NALF1: variants seen among roughly 807,000 people sequenced by gnomAD.
NALF1 encodes the protein family with sequence similarity 155 member A.
A neutral mutation model predicts 48.4 loss-of-function variants in NALF1; 3 were observed. The observed-to-expected ratio is 0.06, with a 90% CI of 0.03 to 0.16. NALF1 has a LOEUF of 0.16. NALF1 is among the 10% of genes least tolerant of loss of function. The probability of loss-of-function intolerance (pLI) is 1.00; values close to 1 mark genes in which losing one functional copy is unlikely to be tolerated. For missense variants in NALF1, 526 were observed against 571.5 expected (o/e 0.92, Z 0.81); for synonymous variants, 262 against 245.7 (o/e 1.07, Z -0.62).
intron 1 of NALF1, among the ~76,000 whole-genome samples, chr13:107,556,622 G>A (rs1177448686): frequency 6.6e-6 from 1 of 151,916 alleles, no homozygotes; most frequent in Non-Finnish European, 1.5e-5. Context: ...CTCCCAAGTA[G>A]CTCGGATTAC....
intron 1 of NALF1, among the ~76,000 whole-genome samples, chr13:107,864,958 T>G (rs1163466026): frequency 6.6e-6 from 1 of 152,230 alleles, no homozygotes; most frequent in Non-Finnish European, 1.5e-5. Context: ...GAAAGCATAC[T>G]GAAAATCAAG....
intron 1 of NALF1, among the ~76,000 whole-genome samples, chr13:107,672,323 C>T (rs910179537): frequency 6.6e-6 from 1 of 152,146 alleles, no homozygotes; most frequent in African/African-American, 2.4e-5. Flanking sequence ...TTCGTCAAGG[C>T]GTTTACCTTT....
intron 1 of NALF1, among the ~76,000 whole-genome samples, chr13:107,603,207 G>T (rs995067009): frequency 6.6e-6 from 1 of 151,964 alleles, no homozygotes; most frequent in African/African-American, 2.4e-5. Flanking sequence ...AAATGTTATT[G>T]CAAAAAAAAT....
intron 1 of NALF1, among the ~76,000 whole-genome samples, chr13:107,850,168 G>C (rs1294104345): frequency 6.6e-6 from 1 of 152,148 alleles, no homozygotes; most frequent in Non-Finnish European, 1.5e-5. Context: ...GAAATAAATT[G>C]GCCCGGCATT....
intron 1 of NALF1, among the ~76,000 whole-genome samples, chr13:107,743,677 A>T (rs1007213307): frequency 6.6e-6 from 1 of 152,222 alleles, no homozygotes; most frequent in Admixed American, 6.5e-5. Flanking sequence ...TAACAGGAGG[A>T]TATTCCTCAC....
chr13:107,316,359 A>AGTGC (rs201779802), intron 1 of NALF1, among the ~76,000 whole-genome samples: 1 of 151,356 alleles, frequency 6.6e-6, no homozygotes, highest in Non-Finnish European at 1.5e-5. Context: ...AATAAACATA[A>AGTGC]GTGTGCATGT....
chr13:107,343,780 A>G (rs1181443751), intron 1 of NALF1, among the ~76,000 whole-genome samples: 1 of 152,202 alleles, frequency 6.6e-6, no homozygotes, highest in Non-Finnish European at 1.5e-5. Flanking sequence ...TCTCAAATGA[A>G]TAAGATTTAT....
Position 107,367,404 on chromosome 13 carries a change from G to A in NALF1, c.916-156649C>T, listed in dbSNP as rs377271707. Among the ~76,000 whole-genome samples, 8 of 152,284 alleles carry A rather than the reference G, an allele frequency of 5.3e-5. No individual in the cohort carries two copies. In the East Asian group the frequency reaches 9.7e-4, roughly 18 times the overall value. On this transcript the variant is annotated intron_variant, in intron 1 of 2. Transcript: ENST00000375915. The stretch of plus-strand genomic sequence containing the variant: ...ACCTGAATGTGGTCATTCTCCTGAT[G>A]TCTTGTTTCCGGCTGAAGAGCTGGA...
chr13:107,200,296 G>A (rs1431621902), intron 2 of NALF1, among the ~76,000 whole-genome samples: 4 of 152,194 alleles, frequency 2.6e-5, no homozygotes, highest in African/African-American at 7.2e-5. Flanking sequence ...ATCCCAGGCA[G>A]TGGGGCTTCA....
At chr13:107,470,591 G>A (rs77221047) in intron 1 of NALF1, among the ~76,000 whole-genome samples, 1,809 of 152,194 alleles carry the variant, frequency 0.012, 20 homozygotes, top group South Asian at 0.035. Context: ...ATACATACAT[G>A]TACAAAAATG....
chr13:107,491,366 G>T, intron 1 of NALF1, among the ~76,000 whole-genome samples: 1 of 152,210 alleles, frequency 6.6e-6, no homozygotes, highest in East Asian at 1.9e-4. Context: ...AAAAGTGAAT[G>T]ATATCTGTGG....
At chr13:107,823,352 A>G (rs1327749900) in intron 1 of NALF1, among the ~76,000 whole-genome samples, 1 of 152,168 alleles carries the variant, frequency 6.6e-6, no homozygotes, top group Non-Finnish European at 1.5e-5. Context: ...GGTAAGTCCA[A>G]TAATCCCCCA....
intron 1 of NALF1, among the ~76,000 whole-genome samples, chr13:107,291,579 GA>G (rs890055155): frequency 1.3e-5 from 2 of 150,918 alleles, no homozygotes; most frequent in African/African-American, 4.9e-5. Flanking sequence ...TTGAAAATCT[GA>G]AAAAAAAGGT....
chr13:107,788,865 A>G (rs901247925), intron 1 of NALF1: 8 of 151,042 alleles, frequency 5.3e-5, no homozygotes, highest in African/African-American at 1.5e-4. Context: ...GCGTTTGTGG[A>G]AAAAAAAAAT....
intron 1 of NALF1, among the ~76,000 whole-genome samples, chr13:107,650,165 T>C (rs4771574): frequency 0.96 from 146,777 of 152,122 alleles, 70,954 homozygotes; most frequent in Non-Finnish European, 1. Flanking sequence ...AATGATATAG[T>C]TTCGATTTAT....
chr13:107,666,303 T>C (rs1338507822), intron 1 of NALF1, among the ~76,000 whole-genome samples: 1 of 152,130 alleles, frequency 6.6e-6, no homozygotes, highest in Non-Finnish European at 1.5e-5. Flanking sequence ...TTATTGGTGG[T>C]CCACTTTTGC....
At chr13:107,187,057 A>AGTGCTTCTC (rs1330340084) in intron 2 of NALF1, among the ~76,000 whole-genome samples, 8 of 152,128 alleles carry the variant, frequency 5.3e-5, no homozygotes. Context: ...CTGTGGGCTG[A>AGTGCTTCTC]GTGCTTCTCA....
At chr13:107,735,119 T>C (rs1876428366) in intron 1 of NALF1, among the ~76,000 whole-genome samples, 2 of 152,004 alleles carry the variant, frequency 1.3e-5, no homozygotes, top group South Asian at 4.2e-4. Flanking sequence ...ACTAAAGACT[T>C]GATCTAAATC....
At chr13:107,794,471 G>GTTT (rs10649905) in intron 1 of NALF1, among the ~76,000 whole-genome samples, 24 of 142,850 alleles carry the variant, frequency 1.7e-4, no homozygotes, top group East Asian at 9.9e-4. Flanking sequence ...AGCATGCAGT[G>GTTT]TTTTTTTTTT....
Sources: gnomAD v4.1 joint callset for allele counts (sites outside exome capture counted in the v4.1 genomes callset) on GRCh38, gnomAD v4.1.1 for gene constraint, MANE v1.5 for transcripts, NCBI Gene and HGNC (gene_info 2026-07-23, HGNC 2026-07-21) for gene names.